Variants in TRUB1 observed in about 807,000 individuals in gnomAD.
TRUB1 encodes pseudouridylate synthase TRUB1.
In TRUB1, 23 loss-of-function variants were observed where a neutral mutation model predicts 33.9. That is an observed-to-expected ratio of 0.68 (90% CI 0.49 to 0.96). The LOEUF is 0.96. Among genes scored for constraint, TRUB1 ranks in the 40% least tolerant of loss-of-function variants. TRUB1 has a pLI of 0.00. For missense variants in TRUB1, 378 were observed against 422.2 expected, an observed-to-expected ratio of 0.90 and a Z score of 0.92; for synonymous variants, 163 against 165.4, an observed-to-expected ratio of 0.99 and a Z score of 0.11.
At chr10:114,953,488 A>G (rs1273175826) in intron 3 of TRUB1, among the ~76,000 whole-genome samples, 2 of 152,114 alleles carry the variant, frequency 1.3e-5, no homozygotes, top group Admixed American at 6.6e-5. Context: ...TTCTTTTTTT[A>G]AAAGCACTAG....
chr10:114,974,531 G>A (rs576079273), intron 7 of TRUB1, 146 bp downstream of exon 7: 13 of 613,798 alleles, frequency 2.1e-5, no homozygotes, highest in African/African-American at 1.7e-4. Context: ...AGCATTGTAG[G>A]TTTCTGGCTT....
chr10:114,951,696 G>A (rs990888501), intron 3 of TRUB1, among the ~76,000 whole-genome samples: 1 of 152,184 alleles, frequency 6.6e-6, no homozygotes. Flanking sequence ...GGAGAGGCTG[G>A]AAAGCTGTGA....
At position 114,974,330 on chromosome 10, in the gene TRUB1, T is replaced by C. The variant is rs1056120545; in HGVS notation, c.738T>C (p.Asp246=). The stretch of plus-strand genomic sequence containing the variant: ...ACTATGTCACTGTTAACATTCCAGA[T>C]GTTGAATGTGGAGGAGGTTTTTATA... ...QKFQPPFFTL[D]VECGGGFYIR... is the part of the protein sequence containing the mutation. Residue 246 remains aspartate, a splice_region_variant and synonymous_variant, in exon 7 of 8, where the codon GAT becomes GAC. Transcript: ENST00000298746. 2 of 1,612,178 alleles carry C rather than the reference T, an allele frequency of 1.2e-6. No individual in the cohort carries two copies. The highest frequency in any genetic ancestry group is 1.7e-6 in the Non-Finnish European group (2 of 1,178,704).
chr10:114,961,981 A>G (rs186982045), intron 4 of TRUB1, among the ~76,000 whole-genome samples: 1 of 152,232 alleles, frequency 6.6e-6, no homozygotes, highest in Non-Finnish European at 1.5e-5. Context: ...TTACTTATAC[A>G]TTGAGAAAAA....
chr10:114,968,234 G>A (rs1254562586), intron 4 of TRUB1, among the ~76,000 whole-genome samples: 1 of 152,216 alleles, frequency 6.6e-6, no homozygotes, highest in Non-Finnish European at 1.5e-5. Flanking sequence ...TATGGCAGAA[G>A]TAGAATGAGA....
intron 4 of TRUB1, 94 bp from the exon 5 acceptor site, chr10:114,970,274 A>C: frequency 1.2e-6 from 1 of 856,698 alleles, no homozygotes; most frequent in Non-Finnish European, 1.8e-6. Flanking sequence ...TTTTGGAAAA[A>C]GTTTTAAATG....
intron 2 of TRUB1, among the ~76,000 whole-genome samples, chr10:114,943,890 T>C (rs753174611): frequency 2.6e-5 from 4 of 152,088 alleles, no homozygotes; most frequent in Non-Finnish European, 4.4e-5. Context: ...AGCTTGAGAG[T>C]AAGTCATTTT....
intron 3 of TRUB1, 44 bp from the exon 4 acceptor site, chr10:114,959,681 TG>T: frequency 7.8e-7 from 1 of 1,275,958 alleles, no homozygotes; most frequent in Non-Finnish European, 1.1e-6. Flanking sequence ...TAACAGTTTT[TG>T]TTTGCCTCAC....
chr10:114,953,929 C>A (rs1299648279), intron 3 of TRUB1, among the ~76,000 whole-genome samples: 2 of 152,116 alleles, frequency 1.3e-5, no homozygotes, highest in East Asian at 3.9e-4. Context: ...ATAACCCAGA[C>A]AATTCCCACC....
intron 7 of TRUB1, among the ~76,000 whole-genome samples, chr10:114,974,781 C>G (rs906108565): frequency 3.9e-5 from 6 of 152,026 alleles, no homozygotes; most frequent in African/African-American, 1.4e-4. Context: ...TCGGTTCTGG[C>G]TGTGCCATTT....
At chr10:114,951,200 C>T in intron 3 of TRUB1, 51 bp downstream of exon 3, 1 of 1,431,806 alleles carries the variant, frequency 7.0e-7, no homozygotes, top group Non-Finnish European at 9.8e-7. Flanking sequence ...TAATGATCTA[C>T]ATGTATTGGG....
At chr10:114,961,357 A>G (rs1392991818) in intron 4 of TRUB1, among the ~76,000 whole-genome samples, 1 of 152,106 alleles carries the variant, frequency 6.6e-6, no homozygotes, top group Non-Finnish European at 1.5e-5. Flanking sequence ...AGTTGATTGG[A>G]CAGGATAGCG....
intron 3 of TRUB1, among the ~76,000 whole-genome samples, chr10:114,955,587 T>G (rs2084258445): frequency 6.6e-6 from 1 of 152,146 alleles, no homozygotes; most frequent in African/African-American, 2.4e-5. Flanking sequence ...GTGTCATCAT[T>G]GGAGTGAATG....
At chr10:114,959,840 T>C (rs1324863912) in intron 4 of TRUB1, 33 bp downstream of exon 4, 4 of 1,345,926 alleles carry the variant, frequency 3.0e-6, no homozygotes, top group Non-Finnish European at 4.2e-6. Flanking sequence ...GCCTCTTTTC[T>C]AACATTTAGG....
At chr10:114,959,682 G>T (rs913597116) in intron 3 of TRUB1, 44 bp from the exon 4 acceptor site, 17 of 1,310,410 alleles carry the variant, frequency 1.3e-5, no homozygotes, top group Middle Eastern at 1.8e-4. Context: ...AACAGTTTTT[G>T]TTTGCCTCAC....
chr10:114,961,691 C>T lies in TRUB1; in HGVS notation c.523+1884C>T, dbSNP rs936605805. On this transcript the variant is annotated intron_variant, in intron 4 of 7. Transcript: ENST00000298746. ...GTTTATTGAATAGTATTTATAGTCC[C>T]GGAAAATGAGAGCTCAGAGAATTTT... 5.3e-5 allele frequency among the ~76,000 whole-genome samples: 8 copies of T among 152,172 alleles called. No homozygotes were observed. The South Asian group carries it at 8.3e-4, about 16-fold the overall frequency.
intron 6 of TRUB1, 88 bp from the exon 7 acceptor site, chr10:114,974,241 T>C: frequency 4.1e-6 from 4 of 966,064 alleles, no homozygotes; most frequent in Non-Finnish European, 6.5e-6. Flanking sequence ...GCATAGTGCA[T>C]TTTTACATTT....
intron 5 of TRUB1, among the ~76,000 whole-genome samples, chr10:114,971,361 G>A (rs767189693): frequency 3.5e-4 from 53 of 152,038 alleles, no homozygotes; most frequent in Admixed American, 7.2e-4. Flanking sequence ...GAAAAAAATG[G>A]CTGAATTGGT....
chr10:114,945,142 A>G (rs2084206074), intron 2 of TRUB1, among the ~76,000 whole-genome samples: 2 of 152,234 alleles, frequency 1.3e-5, no homozygotes, highest in South Asian at 4.1e-4. Flanking sequence ...CCTGAGAGAT[A>G]AAGTAACATG....
Sources: gnomAD v4.1 joint callset for allele counts (sites outside exome capture counted in the v4.1 genomes callset) on GRCh38, gnomAD v4.1.1 for gene constraint, MANE v1.5 for transcripts, NCBI Gene and HGNC (gene_info 2026-07-23, HGNC 2026-07-21) for gene names.